WDR70: variants seen among roughly 807,000 people sequenced by gnomAD.
WDR70 encodes the protein WD repeat domain 70, also known as WD repeat-containing protein 70.
In WDR70, 53 loss-of-function variants were observed where a neutral mutation model predicts 88.6. The ratio of observed to expected loss-of-function variants is 0.60; its 90% CI spans 0.48 to 0.75. The LOEUF is 0.75. Ranked by LOEUF, WDR70 falls within the 30% of genes least tolerant of loss-of-function variation. The probability of loss-of-function intolerance (pLI) is 0.00; values close to 1 mark genes in which losing one functional copy is unlikely to be tolerated. For synonymous variants in WDR70, 280 were observed against 270.0 expected (o/e 1.04, Z -0.36); for missense variants, 610 against 823.2 (o/e 0.74, Z 3.17).
intron 9 of WDR70, among the ~76,000 whole-genome samples, chr5:37,571,071 C>T (rs1215172554): frequency 3.3e-5 from 5 of 152,070 alleles, no homozygotes; most frequent in African/African-American, 1.2e-4. Flanking sequence ...TAATGTTCCA[C>T]ACAGTGGCTG....
chr5:37,634,065 C>T (rs886364548), intron 10 of WDR70, among the ~76,000 whole-genome samples: 1 of 151,902 alleles, frequency 6.6e-6, no homozygotes, highest in Non-Finnish European at 1.5e-5. Flanking sequence ...TTTGGGAGGT[C>T]TTGGTGAGCG....
At chr5:37,610,572 A>G (rs772237460) in intron 10 of WDR70, among the ~76,000 whole-genome samples, 1 of 152,052 alleles carries the variant, frequency 6.6e-6, no homozygotes, top group Non-Finnish European at 1.5e-5. Context: ...CCATATCTGT[A>G]TATCTGTATC....
chr5:37,546,528 G>C (rs1299406139), intron 9 of WDR70, among the ~76,000 whole-genome samples: 1 of 152,166 alleles, frequency 6.6e-6, no homozygotes, highest in East Asian at 1.9e-4. Flanking sequence ...ATGCAAATCA[G>C]TATTTTCTTT....
At chr5:37,484,425 C>T (rs1045193921) in intron 8 of WDR70, among the ~76,000 whole-genome samples, 15 of 152,170 alleles carry the variant, frequency 9.9e-5, no homozygotes, top group South Asian at 6.2e-4. Context: ...CGTGGCGGCG[C>T]GCGCCTGCAA....
intron 9 of WDR70, among the ~76,000 whole-genome samples, chr5:37,527,506 G>A (rs926539165): frequency 1.3e-5 from 2 of 152,164 alleles, no homozygotes; most frequent in Non-Finnish European, 2.9e-5. Context: ...AGACTTAAAT[G>A]TTAGACCTAA....
At chr5:37,686,055 C>T (rs897342646) in intron 10 of WDR70, among the ~76,000 whole-genome samples, 3 of 152,168 alleles carry the variant, frequency 2.0e-5, no homozygotes, top group Non-Finnish European at 4.4e-5. Flanking sequence ...AAATCTCCCC[C>T]AACACTGTGA....
At chr5:37,649,596 T>TGCC (rs1467179888) in intron 10 of WDR70, among the ~76,000 whole-genome samples, 1 of 151,598 alleles carries the variant, frequency 6.6e-6, no homozygotes, top group Non-Finnish European at 1.5e-5. Context: ...TTTTATGGTT[T>TGCC]GCCTCTGGAC....
At chr5:37,522,802 G>A (rs1419608770) in intron 9 of WDR70, among the ~76,000 whole-genome samples, 3 of 152,210 alleles carry the variant, frequency 2.0e-5, no homozygotes, top group African/African-American at 7.2e-5. Context: ...CTTTTCCAAC[G>A]GTCTTAGCAA....
At chr5:37,382,974 T>C (rs1748479124) in intron 3 of WDR70, among the ~76,000 whole-genome samples, 1 of 150,618 alleles carries the variant, frequency 6.6e-6, no homozygotes, top group Admixed American at 6.6e-5. Flanking sequence ...GATCGCACCA[T>C]TGCACTCCAG....
intron 17 of WDR70, among the ~76,000 whole-genome samples, chr5:37,745,604 C>CA (rs60456578): frequency 0.14 from 19,561 of 142,146 alleles, 2,663 homozygotes; most frequent in African/African-American, 0.36. Context: ...AAATGGAAAG[C>CA]AAAAAAAAAA....
chr5:37,659,521 A>G (rs928210614), intron 10 of WDR70, among the ~76,000 whole-genome samples: 3 of 152,204 alleles, frequency 2.0e-5, no homozygotes, highest in Non-Finnish European at 4.4e-5. Flanking sequence ...CTTTTTGAAT[A>G]TATACATTAA....
rs1361661675 is a variant in WDR70, at chr5:37,736,606, G to T, written c.1877+9561G>T. On this transcript the variant is annotated intron_variant, in intron 17 of 17. Transcript: ENST00000265107. ...TGTGAACTGCCTGCATCAGAGCGGTGTATGTAGTTTTTTTTTTTTTTCTTT... is the reference window on the plus strand; with the variant it reads ...TGTGAACTGCCTGCATCAGAGCGGTTTATGTAGTTTTTTTTTTTTTTCTTT... Among the ~76,000 whole-genome samples the T allele has an allele frequency of 6.4e-5, 9 of 141,448 alleles. No individual in the cohort carries two copies. In the East Asian group the frequency reaches 1.9e-3, roughly 30 times the overall value. The allele number at this position is 141,448 out of a possible 152,430, so 92.8% of individuals were successfully genotyped here. A position where few individuals can be genotyped will look rare whatever the true frequency, so the allele number is the denominator to read the frequency against.
intron 9 of WDR70, among the ~76,000 whole-genome samples, chr5:37,583,470 C>G (rs1743276968): frequency 6.6e-6 from 1 of 151,614 alleles, no homozygotes. Flanking sequence ...GGAAACATGC[C>G]TGGCTTATGA....
intron 14 of WDR70, chr5:37,722,379 C>T (rs1446475418): frequency 6.1e-6 from 1 of 165,198 alleles, no homozygotes; most frequent in East Asian, 1.6e-4. Flanking sequence ...CATTCTTGGG[C>T]CATAGCCCCT....
chr5:37,402,719 TG>T, intron 5 of WDR70, among the ~76,000 whole-genome samples: 1 of 152,042 alleles, frequency 6.6e-6, no homozygotes, highest in Non-Finnish European at 1.5e-5. Flanking sequence ...GTCACCCTAC[TG>T]ATGTTTTGAA....
chr5:37,606,640 C>T (rs2112478528), intron 10 of WDR70, among the ~76,000 whole-genome samples: 3 of 152,188 alleles, frequency 2.0e-5, no homozygotes, highest in East Asian at 1.9e-4. Context: ...ATTGGAATGC[C>T]ACTTTCTAAC....
At chr5:37,699,214 C>T (rs993044386) in intron 11 of WDR70, among the ~76,000 whole-genome samples, 1 of 151,628 alleles carries the variant, frequency 6.6e-6, no homozygotes, top group Non-Finnish European at 1.5e-5. Flanking sequence ...AATAGGTGAG[C>T]CCAAAATTAC....
intron 10 of WDR70, among the ~76,000 whole-genome samples, chr5:37,638,358 G>C (rs572076660): frequency 2.0e-5 from 3 of 152,098 alleles, no homozygotes; most frequent in African/African-American, 7.2e-5. Context: ...TCGGAAGTAT[G>C]CCTGGATTCA....
intron 9 of WDR70, among the ~76,000 whole-genome samples, chr5:37,559,113 T>G (rs372631491): frequency 4.6e-5 from 7 of 152,050 alleles, no homozygotes; most frequent in African/African-American, 1.7e-4. Flanking sequence ...TTTGTATTTT[T>G]AATAGAGACA....
Sources: gnomAD v4.1 joint callset for allele counts (sites outside exome capture counted in the v4.1 genomes callset) on GRCh38, gnomAD v4.1.1 for gene constraint, MANE v1.5 for transcripts, NCBI Gene and HGNC (gene_info 2026-07-23, HGNC 2026-07-21) for gene names.